RSPO2: variants seen among roughly 807,000 people sequenced by gnomAD.
RSPO2 encodes R-spondin-2.
A neutral mutation model predicts 30.9 loss-of-function variants in RSPO2; 14 were observed. The observed-to-expected ratio is 0.45, with a 90% CI of 0.30 to 0.71. RSPO2 has a LOEUF of 0.71. Among genes scored for constraint, RSPO2 ranks in the 30% least tolerant of loss-of-function variants. The pLI, the probability that RSPO2 is intolerant of heterozygous loss-of-function variation, is 0.08. For missense variants in RSPO2, 264 were observed against 301.9 expected (o/e 0.87, Z 0.93); for synonymous variants, 107 against 96.4 (o/e 1.11, Z -0.64).
At chr8:107,929,637 T>C (rs1464258820) in intron 5 of RSPO2, among the ~76,000 whole-genome samples, 1 of 152,128 alleles carries the variant, frequency 6.6e-6, no homozygotes, top group African/African-American at 2.4e-5. Context: ...AAACATTCAA[T>C]TAAGACTTCA....
At chr8:107,999,509 A>C (rs1815154421) in intron 2 of RSPO2, among the ~76,000 whole-genome samples, 1 of 152,184 alleles carries the variant, frequency 6.6e-6, no homozygotes, top group Non-Finnish European at 1.5e-5. Context: ...ATGTTGGCTC[A>C]CTGCAACCTC....
At chr8:107,994,751 C>T (rs192630047) in intron 2 of RSPO2, among the ~76,000 whole-genome samples, 3 of 152,048 alleles carry the variant, frequency 2.0e-5, no homozygotes, top group African/African-American at 7.2e-5. Flanking sequence ...AAATAGAAAA[C>T]TCATCAATTA....
chr8:107,933,275 A>G (rs1812604398), intron 5 of RSPO2, among the ~76,000 whole-genome samples: 1 of 152,220 alleles, frequency 6.6e-6, no homozygotes, highest in South Asian at 2.1e-4. Context: ...AACCTAGTCC[A>G]TGCACATGTT....
intron 2 of RSPO2, among the ~76,000 whole-genome samples, chr8:108,030,055 T>A (rs1260939761): frequency 1.4e-5 from 2 of 145,898 alleles, no homozygotes; most frequent in Admixed American, 7.0e-5. Context: ...CAGCTCCATG[T>A]CAATTTTGTT....
chr8:107,950,994 C>T (rs1813222728), intron 5 of RSPO2, among the ~76,000 whole-genome samples: 1 of 151,506 alleles, frequency 6.6e-6, no homozygotes, highest in African/African-American at 2.4e-5. Context: ...TTTATCAACA[C>T]CATTTAAAGA....
At chr8:107,956,078 A>G (rs749643977) in intron 5 of RSPO2, among the ~76,000 whole-genome samples, 18 of 152,224 alleles carry the variant, frequency 1.2e-4, no homozygotes, top group Admixed American at 9.2e-4. Flanking sequence ...CTCCCCTGGA[A>G]GTTACGCCAA....
intron 2 of RSPO2, among the ~76,000 whole-genome samples, chr8:108,010,433 G>A (rs900230596): frequency 3.6e-4 from 55 of 152,302 alleles, no homozygotes; most frequent in African/African-American, 1.3e-3. Context: ...AGCAGGACGC[G>A]AGACATGGTA....
intron 5 of RSPO2, among the ~76,000 whole-genome samples, chr8:107,952,289 G>GCGCA (rs1813276963): frequency 6.7e-6 from 1 of 148,930 alleles, no homozygotes; most frequent in African/African-American, 2.5e-5. Context: ...ACACACACAT[G>GCGCA]CACACACACA....
intron 2 of RSPO2, among the ~76,000 whole-genome samples, chr8:108,016,279 G>A (rs1810887992): frequency 6.6e-6 from 1 of 152,184 alleles, no homozygotes; most frequent in Non-Finnish European, 1.5e-5. Flanking sequence ...CACAAAAACA[G>A]TAAAAGAATC....
At chr8:108,000,394 G>A (rs1815200870) in intron 2 of RSPO2, among the ~76,000 whole-genome samples, 2 of 152,152 alleles carry the variant, frequency 1.3e-5, no homozygotes, top group South Asian at 4.1e-4. Context: ...CAGCACATGT[G>A]GCTTGTGCAT....
intron 3 of RSPO2, among the ~76,000 whole-genome samples, chr8:107,968,228 A>G (rs1813877684): frequency 6.6e-6 from 1 of 152,134 alleles, no homozygotes; most frequent in South Asian, 2.1e-4. Flanking sequence ...TAAAGAAAAT[A>G]TTTTATGTAT....
intron 2 of RSPO2, among the ~76,000 whole-genome samples, chr8:108,003,701 T>C (rs1815358733): frequency 1.3e-5 from 2 of 152,066 alleles, no homozygotes; most frequent in Admixed American, 6.5e-5. Flanking sequence ...CCGGGGAACA[T>C]GCTACAGGAC....
At position 107,970,104 on chromosome 8, in the gene RSPO2, AGAT is replaced by A. The variant is rs556226430; in HGVS notation, c.284-9290_284-9288del. On this transcript the variant is annotated intron_variant, in intron 3 of 5. Coordinates refer to ENST00000276659, the MANE Select transcript of RSPO2 (RefSeq NM_178565.5). ...GAGCAAACTTTTCCTATAATGAGCC[AGAT>A]AATAAATATTTTAGGCTTTGCAGAC... 4.6e-5 allele frequency among the ~76,000 whole-genome samples: 7 copies of A among 152,322 alleles called. No individual in the cohort carries two copies. In the South Asian group the frequency reaches 1.5e-3, roughly 32 times the overall value.
chr8:108,014,525 T>A (rs190823801), intron 2 of RSPO2, among the ~76,000 whole-genome samples: 1 of 152,172 alleles, frequency 6.6e-6, no homozygotes, highest in Admixed American at 6.5e-5. Flanking sequence ...TAAAAAAGGA[T>A]GAGTTCATGT....
At chr8:107,950,812 T>G (rs979066740) in intron 5 of RSPO2, among the ~76,000 whole-genome samples, 1 of 152,034 alleles carries the variant, frequency 6.6e-6, no homozygotes, top group Non-Finnish European at 1.5e-5. Flanking sequence ...TCATCTTAAC[T>G]ACTTCTGTAT....
intron 2 of RSPO2, among the ~76,000 whole-genome samples, chr8:108,014,887 T>G (rs1810832955): frequency 6.8e-6 from 1 of 147,800 alleles, no homozygotes; most frequent in Admixed American, 6.7e-5. Context: ...TTGGAATAAG[T>G]TAGGGATGAT....
chr8:107,950,052 T>G (rs1357965925), intron 5 of RSPO2, among the ~76,000 whole-genome samples: 1 of 152,218 alleles, frequency 6.6e-6, no homozygotes, highest in African/African-American at 2.4e-5. Flanking sequence ...AGTCTAATAC[T>G]GCAGAAATGT....
intron 5 of RSPO2, among the ~76,000 whole-genome samples, chr8:107,951,163 C>A (rs181335211): frequency 9.9e-5 from 15 of 151,822 alleles, no homozygotes; most frequent in Non-Finnish European, 1.5e-5. Flanking sequence ...TCAAGAGATT[C>A]TTCTGCCTCA....
At chr8:107,972,824 A>T (rs1814047886) in intron 3 of RSPO2, among the ~76,000 whole-genome samples, 1 of 152,200 alleles carries the variant, frequency 6.6e-6, no homozygotes, top group Admixed American at 6.5e-5. Context: ...TTACAAAGCT[A>T]GTTACTGTCA....
Sources: allele counts gnomAD v4.1 joint callset (sites outside exome capture counted in the v4.1 genomes callset), GRCh38; gene constraint gnomAD v4.1.1; transcripts MANE v1.5; gene names NCBI Gene and HGNC (gene_info 2026-07-23, HGNC 2026-07-21).